The following SYNPR variants were observed in gnomAD, a reference collection of about 807,000 sequenced individuals.
SYNPR encodes the protein synaptoporin.
SYNPR carries 23 observed loss-of-function variants against 32.9 expected under a neutral mutation model. That is an observed-to-expected ratio of 0.70 (90% CI 0.50 to 0.99). The LOEUF (loss-of-function observed/expected upper bound fraction) is 0.99, where lower values mean the gene tolerates loss of function less well. Among genes scored for constraint, SYNPR ranks in the 50% least tolerant of loss-of-function variants. The pLI is 0.00. For synonymous variants in SYNPR, 146 were observed against 135.9 expected (o/e 1.07, Z -0.52); for missense variants, 318 against 349.3 (o/e 0.91, Z 0.71).
At position 63,616,657 on chromosome 3, in the gene SYNPR, A is replaced by C. The variant is rs1302939231; in HGVS notation, c.*1176A>C. 6.6e-6 allele frequency: 1 copy of C among 152,654 alleles called. No homozygotes were observed. Among genetic ancestry groups the C allele is most frequent in the African/African-American group, 2.4e-5 (1 of 41,460 alleles). 9.5% of individuals were successfully genotyped at this position (152,654 alleles called of 1,614,324 possible). On this transcript the variant is annotated 3_prime_UTR_variant, in exon 6 of 6. Coordinates refer to ENST00000478300, the MANE Select transcript of SYNPR (RefSeq NM_001130003.2). ...ATGAAATATTCTCCAGAATGTATTCATTATCAAGAAAATGTCAATCGTCAC... is the reference window on the plus strand; with the variant it reads ...ATGAAATATTCTCCAGAATGTATTCCTTATCAAGAAAATGTCAATCGTCAC...
At chr3:63,284,886 G>T (rs746542671) in intron 2 of SYNPR, among the ~76,000 whole-genome samples, 1 of 152,130 alleles carries the variant, frequency 6.6e-6, no homozygotes, top group African/African-American at 2.4e-5. Flanking sequence ...TTACATCATT[G>T]TGTTGAATCT....
intron 4 of SYNPR, among the ~76,000 whole-genome samples, chr3:63,601,030 TGGGAGGCCGAGGTG>T: frequency 6.6e-6 from 1 of 152,262 alleles, no homozygotes; most frequent in East Asian, 1.9e-4. Context: ...CCCAGCACTT[TGGGAGGCCGAGGTG>T]GGCAGATCAC....
intron 3 of SYNPR, among the ~76,000 whole-genome samples, chr3:63,538,753 C>T (rs1259073866): frequency 2.0e-5 from 3 of 151,980 alleles, no homozygotes; most frequent in Non-Finnish European, 4.4e-5. Flanking sequence ...TTCAACCAAC[C>T]CATAAGCATA....
chr3:63,595,720 TATATATATA>T (rs1699923536), intron 4 of SYNPR, among the ~76,000 whole-genome samples: 9 of 9,748 alleles, frequency 9.2e-4, no homozygotes, highest in South Asian at 7.6e-3. Context: ...TCTTATTTTA[TATATATATA>T]TATATATATA....
intron 4 of SYNPR, among the ~76,000 whole-genome samples, chr3:63,585,094 G>T (rs1703159900): frequency 1.3e-5 from 2 of 151,998 alleles, no homozygotes; most frequent in South Asian, 4.1e-4. Flanking sequence ...ATTTACAAAA[G>T]AATAATTCTG....
intron 2 of SYNPR, among the ~76,000 whole-genome samples, chr3:63,320,979 C>G (rs2087105760): frequency 6.6e-6 from 1 of 151,974 alleles, no homozygotes; most frequent in South Asian, 2.1e-4. Flanking sequence ...AGCCAGAAGC[C>G]TTAACAGTGC....
chr3:63,307,484 C>T (rs898062496), intron 2 of SYNPR, among the ~76,000 whole-genome samples: 2 of 151,868 alleles, frequency 1.3e-5, no homozygotes, highest in Non-Finnish European at 2.9e-5. Context: ...AATAATAATA[C>T]GTTCATATTT....
the SYNPR span, among the ~76,000 whole-genome samples, chr3:63,209,900 G>C: frequency 1.3e-5 from 2 of 152,174 alleles, no homozygotes; most frequent in African/African-American, 2.4e-5. Context: ...TGTTGGTCTT[G>C]CTCAGTGCTC....
chr3:63,262,868 G>A (rs1022779476), intron 2 of SYNPR, among the ~76,000 whole-genome samples: 1 of 152,212 alleles, frequency 6.6e-6, no homozygotes, highest in African/African-American at 2.4e-5. Context: ...ACAGTCAGAA[G>A]ATCTGACCCA....
chr3:63,348,406 G>T (rs1575605968), intron 2 of SYNPR, among the ~76,000 whole-genome samples: 1 of 152,122 alleles, frequency 6.6e-6, no homozygotes, highest in East Asian at 1.9e-4. Flanking sequence ...AGTTGTTTGG[G>T]TTCCTTGTAA....
At chr3:63,262,319 G>C (rs1206059531) in intron 2 of SYNPR, among the ~76,000 whole-genome samples, 1 of 152,174 alleles carries the variant, frequency 6.6e-6, no homozygotes, top group African/African-American at 2.4e-5. Context: ...AAGCACAGCT[G>C]GTTGGTTGGT....
chr3:63,571,634 G>A (rs975992534), intron 4 of SYNPR, among the ~76,000 whole-genome samples: 1 of 152,020 alleles, frequency 6.6e-6, no homozygotes, highest in Non-Finnish European at 1.5e-5. Context: ...CTCATAAAAA[G>A]ACAGTATTTC....
intron 3 of SYNPR, among the ~76,000 whole-genome samples, chr3:63,553,999 G>A (rs889628513): frequency 1.1e-4 from 16 of 152,220 alleles, no homozygotes; most frequent in Non-Finnish European, 2.2e-4. Flanking sequence ...TGGGATTACA[G>A]GCGTGAGCCA....
the SYNPR span, among the ~76,000 whole-genome samples, chr3:63,220,539 T>G: frequency 1.3e-5 from 2 of 152,104 alleles, no homozygotes; most frequent in Non-Finnish European, 2.9e-5. Flanking sequence ...AGAGACTGAA[T>G]AGCAGAAAGA....
rs11918380 is a variant in SYNPR, at chr3:63,394,210, C to G, written c.85-86622C>G. 6.0e-3 allele frequency among the ~76,000 whole-genome samples: 913 copies of G among 152,248 alleles called. 12 individuals carry two copies. Among genetic ancestry groups the G allele is most frequent in the African/African-American group, 0.021 (884 of 41,550 alleles). ...AATCTTAGCTCTTATCCTTTCTTACCTATGTGACCTTGAACAAGTCTCTTA... is the reference window on the plus strand; with the variant it reads ...AATCTTAGCTCTTATCCTTTCTTACGTATGTGACCTTGAACAAGTCTCTTA... On this transcript the variant is annotated intron_variant, in intron 2 of 5. Coordinates refer to ENST00000478300, the MANE Select transcript of SYNPR (RefSeq NM_001130003.2).
At chr3:63,396,040 C>A (rs907168099) in intron 2 of SYNPR, among the ~76,000 whole-genome samples, 1 of 152,092 alleles carries the variant, frequency 6.6e-6, no homozygotes, top group Non-Finnish European at 1.5e-5. Flanking sequence ...TAATAATAAC[C>A]ACACAGGCAC....
intron 1 of SYNPR, among the ~76,000 whole-genome samples, chr3:63,240,036 G>A (rs2086229772): frequency 6.6e-6 from 1 of 152,090 alleles, no homozygotes; most frequent in Admixed American, 6.6e-5. Context: ...AATTAGCCTG[G>A]GATTATATGT....
chr3:63,586,315 T>C (rs923763580), intron 4 of SYNPR, among the ~76,000 whole-genome samples: 1 of 151,510 alleles, frequency 6.6e-6, no homozygotes, highest in African/African-American at 2.4e-5. Flanking sequence ...AAGTGTGAAA[T>C]GTAGTCACAA....
intron 3 of SYNPR, among the ~76,000 whole-genome samples, chr3:63,531,551 A>C (rs1180241051): frequency 2.6e-5 from 4 of 152,178 alleles, no homozygotes; most frequent in East Asian, 1.9e-4. Context: ...AGCTAGTTAC[A>C]TCTGCAATGA....
Sources: gnomAD v4.1 joint callset for allele counts (sites outside exome capture counted in the v4.1 genomes callset) on GRCh38, gnomAD v4.1.1 for gene constraint, MANE v1.5 for transcripts, NCBI Gene and HGNC (gene_info 2026-07-23, HGNC 2026-07-21) for gene names.